Variants in PKHD1 observed in about 807,000 individuals in gnomAD.
PKHD1 encodes the protein PKHD1 ciliary IPT domain containing fibrocystin/polyductin.
In PKHD1, 291 loss-of-function variants were observed where a neutral mutation model predicts 412.0. The observed-to-expected ratio is 0.71, with a 90% CI of 0.64 to 0.78. The LOEUF is 0.78. Ranked by LOEUF, PKHD1 falls within the 30% of genes least tolerant of loss-of-function variation. The pLI is 0.00. For synonymous variants in PKHD1, 1,777 were observed against 1,821.5 expected (o/e 0.98, Z 0.62); for missense variants, 4,825 against 4,950.7 (o/e 0.97, Z 0.76).
chr6:51,830,550 T>C (rs1038023394), intron 52 of PKHD1, among the ~76,000 whole-genome samples: 11 of 152,170 alleles, frequency 7.2e-5, no homozygotes, highest in Non-Finnish European at 1.3e-4. Context: ...TTAAGGATAC[T>C]AGAACCTGTA....
At chr6:51,951,988 G>T (rs1328372133) in intron 36 of PKHD1, among the ~76,000 whole-genome samples, 1 of 152,142 alleles carries the variant, frequency 6.6e-6, no homozygotes, top group African/African-American at 2.4e-5. Flanking sequence ...GAAGGGACTG[G>T]TCCCTTTCAG....
intron 35 of PKHD1, among the ~76,000 whole-genome samples, chr6:51,982,558 A>C (rs1482704539): frequency 2.8e-5 from 4 of 142,234 alleles, no homozygotes. Context: ...CTCAGGGTTA[A>C]ATGGATTAAG....
chr6:51,740,904 CT>C (rs947946175), intron 60 of PKHD1, among the ~76,000 whole-genome samples: 1 of 152,164 alleles, frequency 6.6e-6, no homozygotes, highest in Non-Finnish European at 1.5e-5. Context: ...CAGTTGGTAC[CT>C]ATAGCAACCT....
chr6:51,848,754 C>G (rs958241687), intron 49 of PKHD1, among the ~76,000 whole-genome samples: 8 of 152,004 alleles, frequency 5.3e-5, no homozygotes, highest in Admixed American at 5.2e-4. Flanking sequence ...CTTCTGTCTC[C>G]CTAAGATAGG....
intron 29 of PKHD1, among the ~76,000 whole-genome samples, chr6:52,030,939 T>C (rs1055979476): frequency 6.6e-6 from 1 of 152,164 alleles, no homozygotes; most frequent in African/African-American, 2.4e-5. Context: ...AATTTAGCAC[T>C]GGCAGGCTTT....
intron 60 of PKHD1, among the ~76,000 whole-genome samples, chr6:51,730,687 A>G (rs1783134052): frequency 6.6e-6 from 1 of 152,218 alleles, no homozygotes; most frequent in Admixed American, 6.5e-5. Flanking sequence ...CAGACCCATA[A>G]TATTGAGATG....
chr6:52,039,975 TATC>T (rs1804581132), intron 27 of PKHD1, among the ~76,000 whole-genome samples: 4 of 152,286 alleles, frequency 2.6e-5, no homozygotes, highest in Admixed American at 6.5e-5. Flanking sequence ...ACCTTAAAAA[TATC>T]ATGCCAAGTA....
Position 51,730,253 on chromosome 6 carries a change from G to A in PKHD1, c.10156+14132C>T, listed in dbSNP as rs62461302. Among the ~76,000 whole-genome samples, 1,082 of 151,994 alleles carry A rather than the reference G, an allele frequency of 7.1e-3. 5 individuals carry two copies. Among genetic ancestry groups the A allele is most frequent in the Non-Finnish European group, 1.0e-2 (677 of 67,960 alleles). ...TATTCAAATTTTTAAATCTACCCAC[G>A]TATTTTCTAGATTTTGATTCATGCA... On this transcript the variant is annotated intron_variant, in intron 60 of 66. Coordinates refer to ENST00000371117, the MANE Select transcript of PKHD1 (RefSeq NM_138694.4).
intron 55 of PKHD1, 125 bp from the exon 56 acceptor site, chr6:51,755,063 A>G: frequency 1.2e-6 from 1 of 865,828 alleles, no homozygotes; most frequent in Non-Finnish European, 2.0e-6. Flanking sequence ...TGAAATAGAA[A>G]TAAGACATGG....
intron 52 of PKHD1, among the ~76,000 whole-genome samples, chr6:51,800,781 G>A (rs1762793139): frequency 6.6e-6 from 1 of 152,200 alleles, no homozygotes; most frequent in Non-Finnish European, 1.5e-5. Flanking sequence ...CATAACTTAG[G>A]TGGTAAGACA....
At chr6:52,046,265 C>G (rs768752541) in intron 23 of PKHD1, 77 bp from the exon 24 acceptor site, 61 of 1,103,184 alleles carry the variant, frequency 5.5e-5, no homozygotes, top group Non-Finnish European at 8.0e-5. Context: ...TCAAGGATAA[C>G]ACGATACATA....
chr6:51,765,267 G>A (rs78811622), intron 55 of PKHD1, among the ~76,000 whole-genome samples: 14,766 of 151,910 alleles, frequency 0.097, 797 homozygotes, highest in East Asian at 0.14. Context: ...GCCTCAACTG[G>A]CCTCCTAACT....
In PKHD1 at chr6:51,748,232, A is replaced by G. The variant is rs2150984309; in HGVS notation, c.9384T>C (p.His3128=). ...CACTTTCCTTATAGAGATGAAGGCCATGAAGACTTGAATGCGCCACATTGT... is the reference window on the plus strand; with the variant it reads ...CACTTTCCTTATAGAGATGAAGGCCGTGAAGACTTGAATGCGCCACATTGT... The part of the protein sequence containing the change: ...WSDNVAHSSL[H]GLHLYKESGL... Residue 3128 remains histidine, a synonymous_variant, in exon 58 of 67, where the codon CAT becomes CAC. Transcript: ENST00000371117. 2 of 1,614,098 alleles carry G rather than the reference A, an allele frequency of 1.2e-6. No homozygotes were observed. Among genetic ancestry groups the G allele is most frequent in the Non-Finnish European group, 1.7e-6 (2 of 1,179,966 alleles).
chr6:51,661,280 G>A (rs909825639), intron 60 of PKHD1, among the ~76,000 whole-genome samples: 1 of 152,018 alleles, frequency 6.6e-6, no homozygotes, highest in African/African-American at 2.4e-5. Flanking sequence ...TATAGATATA[G>A]ATACAGATTT....
At chr6:51,709,117 T>C (rs1780349737) in intron 60 of PKHD1, among the ~76,000 whole-genome samples, 1 of 152,202 alleles carries the variant, frequency 6.6e-6, no homozygotes, top group African/African-American at 2.4e-5. Flanking sequence ...GGTTATCACA[T>C]TTGTGCTTTG....
At chr6:52,004,136 A>T (rs576163314) in intron 35 of PKHD1, among the ~76,000 whole-genome samples, 1 of 152,202 alleles carries the variant, frequency 6.6e-6, no homozygotes, top group East Asian at 1.9e-4. Flanking sequence ...CAATGACACA[A>T]ATATTAGACT....
chr6:51,717,224 C>T (rs984326840), intron 60 of PKHD1, among the ~76,000 whole-genome samples: 1 of 152,112 alleles, frequency 6.6e-6, no homozygotes, highest in Non-Finnish European at 1.5e-5. Context: ...ACAGCCTGGC[C>T]AACATGGCAA....
At chr6:51,822,953 T>C (rs1311512423) in intron 52 of PKHD1, among the ~76,000 whole-genome samples, 1 of 152,140 alleles carries the variant, frequency 6.6e-6, no homozygotes, top group Non-Finnish European at 1.5e-5. Context: ...TGCTACTATA[T>C]AGCTTGTAAT....
chr6:51,667,827 C>A (rs1423201339), intron 60 of PKHD1, among the ~76,000 whole-genome samples: 1 of 149,508 alleles, frequency 6.7e-6, no homozygotes, highest in Admixed American at 6.6e-5. Flanking sequence ...GCTTGTTTTT[C>A]TCAGGTTTGT....
Sources: allele counts gnomAD v4.1 joint callset (sites outside exome capture counted in the v4.1 genomes callset), GRCh38; gene constraint gnomAD v4.1.1; transcripts MANE v1.5; gene names NCBI Gene and HGNC (gene_info 2026-07-23, HGNC 2026-07-21).